NT5DC1: variants seen among roughly 807,000 people sequenced by gnomAD.
NT5DC1 encodes the protein 5'-nucleotidase domain containing 1.
A neutral mutation model predicts 59.4 loss-of-function variants in NT5DC1; 42 were observed. The observed-to-expected ratio is 0.71, with a 90% CI of 0.55 to 0.92. NT5DC1 has a LOEUF of 0.92. Among genes scored for constraint, NT5DC1 ranks in the 40% least tolerant of loss-of-function variants. The pLI is 0.00. For missense variants in NT5DC1, 501 were observed against 537.1 expected, an observed-to-expected ratio of 0.93 and a Z score of 0.66; for synonymous variants, 172 against 188.1, an observed-to-expected ratio of 0.91 and a Z score of 0.70.
rs556289602 is a variant in NT5DC1 at position 116,108,086 on chromosome 6, CTT to C, written c.186-275_186-274del. On this transcript the variant is annotated intron_variant, in intron 2 of 11. Coordinates refer to ENST00000319550, the MANE Select transcript of NT5DC1 (RefSeq NM_152729.3). ...GATGATGTTCAGGTTCTTTTTTTCT[CTT>C]TTGAGTTTTAGATTTATCTTTTGAA... Among the ~76,000 whole-genome samples the C allele has an allele frequency of 3.9e-4, 60 of 152,072 alleles. No homozygotes were observed. The East Asian group carries it at 0.01, about 26-fold the overall frequency.
chr6:116,176,802 T>C (rs1469137932), intron 6 of NT5DC1, among the ~76,000 whole-genome samples: 2 of 152,050 alleles, frequency 1.3e-5, no homozygotes, highest in Non-Finnish European at 1.5e-5. Flanking sequence ...GATTTGTTGT[T>C]CCCCCTAGAG....
intron 8 of NT5DC1, among the ~76,000 whole-genome samples, chr6:116,232,912 T>C: frequency 6.6e-6 from 1 of 152,242 alleles, no homozygotes; most frequent in East Asian, 1.9e-4. Context: ...CCTAAATTGA[T>C]GGCTCCTCCA....
intron 6 of NT5DC1, among the ~76,000 whole-genome samples, chr6:116,207,463 C>T (rs1206161749): frequency 6.6e-6 from 1 of 151,682 alleles, no homozygotes; most frequent in Non-Finnish European, 1.5e-5. Flanking sequence ...CCTTATTTTT[C>T]AGATTTTTTT....
chr6:116,150,640 A>G (rs1052556653), intron 6 of NT5DC1, among the ~76,000 whole-genome samples: 5 of 152,210 alleles, frequency 3.3e-5, no homozygotes, highest in African/African-American at 1.2e-4. Context: ...TCCCTGGACA[A>G]GAGTGAGTTT....
At chr6:116,114,122 A>G (rs1723372220) in intron 4 of NT5DC1, among the ~76,000 whole-genome samples, 2 of 152,222 alleles carry the variant, frequency 1.3e-5, no homozygotes, top group African/African-American at 4.8e-5. Flanking sequence ...AAACAGCCTG[A>G]GAGGTTCCCC....
chr6:116,104,133 G>A (rs892575332), intron 1 of NT5DC1, among the ~76,000 whole-genome samples: 2 of 152,166 alleles, frequency 1.3e-5, no homozygotes, highest in Non-Finnish European at 2.9e-5. Flanking sequence ...GGCTTCTAGA[G>A]AGACTCAGCG....
At chr6:116,123,243 C>G (rs569796237) in intron 6 of NT5DC1, among the ~76,000 whole-genome samples, 7 of 152,072 alleles carry the variant, frequency 4.6e-5, no homozygotes, top group Non-Finnish European at 8.8e-5. Flanking sequence ...GGGCGTCATC[C>G]GAGACTGGAA....
intron 4 of NT5DC1, among the ~76,000 whole-genome samples, chr6:116,112,945 A>C (rs535609682): frequency 7.1e-4 from 108 of 152,358 alleles, no homozygotes; most frequent in Admixed American, 1.3e-3. Context: ...CCCTATCAGT[A>C]CATTTAGGAA....
chr6:116,144,529 A>G (rs997618344), intron 6 of NT5DC1, among the ~76,000 whole-genome samples: 13 of 152,096 alleles, frequency 8.5e-5, no homozygotes, highest in African/African-American at 1.2e-4. Context: ...AAAGGAGAAC[A>G]CCAACTTTCA....
At chr6:116,133,101 A>T (rs952808833) in intron 6 of NT5DC1, among the ~76,000 whole-genome samples, 5 of 152,174 alleles carry the variant, frequency 3.3e-5, no homozygotes, top group East Asian at 1.9e-4. Flanking sequence ...GTTTTCCGTT[A>T]TACACAAATT....
At chr6:116,115,214 T>G (rs1409222190) in intron 4 of NT5DC1, among the ~76,000 whole-genome samples, 2 of 127,376 alleles carry the variant, frequency 1.6e-5, no homozygotes, top group African/African-American at 3.6e-5. Flanking sequence ...TCACCCCAGT[T>G]TTTTTCACAT....
In NT5DC1 at chr6:116,247,816, ATTCTC is replaced by A. The variant is rs990081099; in HGVS notation, c.*3795_*3799del. 3.8e-5 allele frequency: 5 copies of A among 132,766 alleles called. No individual in the cohort carries two copies. Among genetic ancestry groups the A allele is most frequent in the African/African-American group, 1.2e-4 (5 of 40,572 alleles). 8.2% of individuals were successfully genotyped at this position (132,766 alleles called of 1,614,324 possible). A position where few individuals can be genotyped will look rare whatever the true frequency, so the allele number is the denominator to read the frequency against. Reference sequence around the variant, plus strand: ...AAGTTTAATCACTTAAAAAATAAATATTCTCTTAACAGAAATGTCAGCGGTTACTT... The same window carrying A: ...AAGTTTAATCACTTAAAAAATAAATATTAACAGAAATGTCAGCGGTTACTT... On this transcript the variant is annotated 3_prime_UTR_variant, in exon 12 of 12. Coordinates refer to ENST00000319550, the MANE Select transcript of NT5DC1 (RefSeq NM_152729.3).
chr6:116,203,818 C>CA (rs1313813665), intron 6 of NT5DC1, among the ~76,000 whole-genome samples: 1 of 151,902 alleles, frequency 6.6e-6, no homozygotes, highest in African/African-American at 2.4e-5. Flanking sequence ...AAAGTACTTG[C>CA]ACAGTGTGAG....
At chr6:116,212,334 C>T (rs1043881919) in intron 6 of NT5DC1, among the ~76,000 whole-genome samples, 3 of 152,026 alleles carry the variant, frequency 2.0e-5, no homozygotes, top group Non-Finnish European at 2.9e-5. Context: ...ATTAAAATAG[C>T]TGCTTAACTA....
intron 6 of NT5DC1, among the ~76,000 whole-genome samples, chr6:116,147,723 A>C (rs1263185413): frequency 1.3e-5 from 2 of 152,184 alleles, no homozygotes; most frequent in Non-Finnish European, 2.9e-5. Flanking sequence ...TCACCCAAGA[A>C]TTATATCTCT....
chr6:116,143,001 G>A (rs951835767), intron 6 of NT5DC1, among the ~76,000 whole-genome samples: 1 of 152,098 alleles, frequency 6.6e-6, no homozygotes. Context: ...AGACATTATG[G>A]TTTGTGTCTT....
At chr6:116,170,219 A>G (rs1780572971) in intron 6 of NT5DC1, among the ~76,000 whole-genome samples, 1 of 150,720 alleles carries the variant, frequency 6.6e-6, no homozygotes, top group Admixed American at 6.6e-5. Context: ...AGGGGATGAT[A>G]TGGAATGAAA....
chr6:116,184,246 A>C (rs1194750241), intron 6 of NT5DC1, among the ~76,000 whole-genome samples: 1 of 152,096 alleles, frequency 6.6e-6, no homozygotes, highest in Non-Finnish European at 1.5e-5. Flanking sequence ...CCCTCATATG[A>C]AACCCACTTG....
intron 6 of NT5DC1, among the ~76,000 whole-genome samples, chr6:116,191,644 G>A (rs543896071): frequency 2.0e-4 from 30 of 152,182 alleles, no homozygotes; most frequent in African/African-American, 6.7e-4. Flanking sequence ...AATACAGTCT[G>A]TCTAAACTAA....
Sources: allele counts gnomAD v4.1 joint callset (sites outside exome capture counted in the v4.1 genomes callset), GRCh38; gene constraint gnomAD v4.1.1; transcripts MANE v1.5; gene names NCBI Gene and HGNC (gene_info 2026-07-23, HGNC 2026-07-21).